GPHN: variants seen among roughly 807,000 people sequenced by gnomAD.
GPHN encodes the protein gephyrin.
Under a neutral mutation model 95.5 loss-of-function variants are expected in GPHN, and 17 were observed. The ratio of observed to expected loss-of-function variants is 0.18; its 90% CI spans 0.12 to 0.27. GPHN has a LOEUF of 0.27. GPHN is among the 10% of genes least tolerant of loss of function. GPHN has a pLI of 1.00. For synonymous variants in GPHN, 320 were observed against 322.5 expected, an observed-to-expected ratio of 0.99 and a Z score of 0.08; for missense variants, 660 against 978.1, an observed-to-expected ratio of 0.67 and a Z score of 4.34.
intron 11 of GPHN, among the ~76,000 whole-genome samples, chr14:67,081,872 A>G (rs1478088116): frequency 6.6e-6 from 1 of 151,738 alleles, no homozygotes; most frequent in Non-Finnish European, 1.5e-5. Context: ...CCCCACTTTT[A>G]TGTTTTTGTT....
chr14:66,960,625 T>C (rs1009950652), intron 8 of GPHN, among the ~76,000 whole-genome samples: 1 of 151,886 alleles, frequency 6.6e-6, no homozygotes, highest in African/African-American at 2.4e-5. Flanking sequence ...TCAGAGAAAA[T>C]CTCCCAGTTT....
At chr14:67,303,606 GATTTTTAAATGTTC>G in the GPHN span, 2 of 1,603,976 alleles carry the variant, frequency 1.2e-6, no homozygotes, top group South Asian at 2.2e-5. Context: ...AGTAGTAAGT[GATTTTTAAATGTTC>G]ATTATTTATG....
At chr14:66,950,059 T>G (rs1455829145) in intron 8 of GPHN, among the ~76,000 whole-genome samples, 1 of 150,714 alleles carries the variant, frequency 6.6e-6, no homozygotes, top group Non-Finnish European at 1.5e-5. Flanking sequence ...GAAAATTATG[T>G]GTTCCCATTA....
the GPHN span, among the ~76,000 whole-genome samples, chr14:67,542,846 A>G: frequency 6.6e-6 from 1 of 152,102 alleles, no homozygotes. Context: ...GACTACAGGC[A>G]TGCACCACCA....
At chr14:67,249,794 T>G in the GPHN span, among the ~76,000 whole-genome samples, 3 of 152,182 alleles carry the variant, frequency 2.0e-5, no homozygotes, top group Non-Finnish European at 1.5e-5. Context: ...ATACATTATT[T>G]TGTTTTGATG....
intron 1 of GPHN, among the ~76,000 whole-genome samples, chr14:66,560,141 AG>A (rs2060173653): frequency 6.6e-6 from 1 of 152,112 alleles, no homozygotes; most frequent in Non-Finnish European, 1.5e-5. Context: ...TGGTTACTGT[AG>A]CCTTGTAGTA....
chr14:67,212,288 C>T, the GPHN span, among the ~76,000 whole-genome samples: 1 of 150,860 alleles, frequency 6.6e-6, no homozygotes, highest in Non-Finnish European at 1.5e-5. Context: ...AATGTATCTT[C>T]TTTAAAATGG....
the GPHN span, among the ~76,000 whole-genome samples, chr14:67,202,002 T>C: frequency 0.23 from 35,668 of 152,014 alleles, 5,830 homozygotes; most frequent in East Asian, 0.44. Flanking sequence ...GCCAGTTTAT[T>C]TCCCACATAG....
chr14:67,506,678 G>A, the GPHN span, among the ~76,000 whole-genome samples: 3 of 152,268 alleles, frequency 2.0e-5, no homozygotes, highest in African/African-American at 4.8e-5. Flanking sequence ...AAGAATCCAA[G>A]GGTCCTTAGA....
the GPHN span, among the ~76,000 whole-genome samples, chr14:67,249,730 TA>T: frequency 6.6e-6 from 1 of 152,228 alleles, no homozygotes; most frequent in Non-Finnish European, 1.5e-5. Flanking sequence ...GTGAAAACAT[TA>T]TATTTTGAGA....
chr14:67,700,118 G>C, the GPHN span, among the ~76,000 whole-genome samples: 8 of 151,008 alleles, frequency 5.3e-5, no homozygotes, highest in South Asian at 1.5e-3. Flanking sequence ...GCAGCCTGGA[G>C]ACAGAGCGAG....
At chr14:66,891,276 C>G (rs1231965022) in intron 5 of GPHN, among the ~76,000 whole-genome samples, 2 of 151,668 alleles carry the variant, frequency 1.3e-5, no homozygotes, top group African/African-American at 2.4e-5. Context: ...TATTTTTATA[C>G]AATGACAATA....
chr14:66,761,769 C>G, intron 2 of GPHN, among the ~76,000 whole-genome samples: 1 of 151,614 alleles, frequency 6.6e-6, no homozygotes, highest in South Asian at 2.1e-4. Flanking sequence ...ACGCCATTCT[C>G]CTGCCTTAGC....
chr14:67,528,399 A>G, the GPHN span, among the ~76,000 whole-genome samples: 1 of 152,102 alleles, frequency 6.6e-6, no homozygotes, highest in Admixed American at 6.6e-5. Flanking sequence ...CTCTCCCCAC[A>G]CAGGCTCCCT....
chr14:66,800,343 G>C (rs554038024), intron 3 of GPHN, among the ~76,000 whole-genome samples: 1 of 151,882 alleles, frequency 6.6e-6, no homozygotes, highest in African/African-American at 2.4e-5. Flanking sequence ...TTTTCTGATC[G>C]AAGTACTTCG....
chr14:66,581,665 A>G (rs1040768767), intron 1 of GPHN, among the ~76,000 whole-genome samples: 1 of 151,990 alleles, frequency 6.6e-6, no homozygotes, highest in Non-Finnish European at 1.5e-5. Context: ...CTCACCTTTA[A>G]GGGCACATAC....
the GPHN span, among the ~76,000 whole-genome samples, chr14:67,371,594 C>A: frequency 2.6e-5 from 4 of 152,104 alleles, no homozygotes; most frequent in African/African-American, 9.7e-5. Context: ...CTCTATTATT[C>A]CTAGGCTACA....
the GPHN span, among the ~76,000 whole-genome samples, chr14:67,275,648 G>A: frequency 3.9e-5 from 6 of 152,146 alleles, no homozygotes; most frequent in Non-Finnish European, 8.8e-5. Context: ...AATGAGTTAG[G>A]GAGGATTGCC....
At chr14:67,557,893 G>C in the GPHN span, among the ~76,000 whole-genome samples, 1 of 152,160 alleles carries the variant, frequency 6.6e-6, no homozygotes, top group African/African-American at 2.4e-5. Flanking sequence ...TTGATACTTG[G>C]CTGTAGTATG....
Sources: gnomAD v4.1 joint callset for allele counts (sites outside exome capture counted in the v4.1 genomes callset) on GRCh38, gnomAD v4.1.1 for gene constraint, MANE v1.5 for transcripts, NCBI Gene and HGNC (gene_info 2026-07-23, HGNC 2026-07-21) for gene names.